PRKCE: variants seen among roughly 807,000 people sequenced by gnomAD.
PRKCE encodes protein kinase C epsilon.
In PRKCE, 16 loss-of-function variants were observed where a neutral mutation model predicts 85.4. The ratio of observed to expected loss-of-function variants is 0.19; its 90% CI spans 0.13 to 0.28. PRKCE has a LOEUF of 0.28. Ranked by LOEUF, PRKCE falls within the 10% of genes least tolerant of loss-of-function variation. The pLI is 1.00. For synonymous variants in PRKCE, 388 were observed against 371.5 expected, an observed-to-expected ratio of 1.04 and a Z score of -0.51; for missense variants, 573 against 975.2, an observed-to-expected ratio of 0.59 and a Z score of 5.49.
chr2:45,704,588 G>T lies in PRKCE; in HGVS notation c.348+52140G>T, dbSNP rs182320584. ...TCACTGGATTCCTAATATTAACTCT[G>T]CCAGTTACTCTCTGGGTCCCTCCTC... is the stretch of plus-strand genomic sequence containing the variant. On this transcript the variant is annotated intron_variant, in intron 1 of 14. Transcript: ENST00000306156. Among the ~76,000 whole-genome samples the T allele has an allele frequency of 2.6e-3, 394 of 152,232 alleles. 3 individuals carry two copies. The highest frequency in any genetic ancestry group is 6.9e-3 in the Admixed American group (105 of 15,288).
intron 1 of PRKCE, among the ~76,000 whole-genome samples, chr2:45,783,865 T>C (rs1415391812): frequency 6.6e-6 from 1 of 152,218 alleles, no homozygotes; most frequent in Non-Finnish European, 1.5e-5. Flanking sequence ...GCTCAGGACC[T>C]GTGATAGGAA....
At chr2:46,179,746 T>C (rs1258242835) in intron 14 of PRKCE, among the ~76,000 whole-genome samples, 5 of 152,158 alleles carry the variant, frequency 3.3e-5, no homozygotes, top group Admixed American at 6.5e-5. Context: ...ATTTCATTAA[T>C]TGGGCCTAAG....
At chr2:46,026,719 C>G (rs961111533) in intron 10 of PRKCE, among the ~76,000 whole-genome samples, 14 of 152,276 alleles carry the variant, frequency 9.2e-5, no homozygotes, top group Middle Eastern at 3.4e-3. Context: ...ACCCCTTAAA[C>G]ACAGAGATCT....
chr2:46,106,761 A>C (rs78051676), intron 11 of PRKCE, among the ~76,000 whole-genome samples: 3,886 of 152,284 alleles, frequency 0.026, 63 homozygotes, highest in Admixed American at 0.043. Flanking sequence ...ATTTGAATTA[A>C]ATGACCTCTT....
chr2:46,166,090 C>T (rs995316163), intron 14 of PRKCE, among the ~76,000 whole-genome samples: 1 of 152,238 alleles, frequency 6.6e-6, no homozygotes, highest in Non-Finnish European at 1.5e-5. Context: ...CATGGCGGGA[C>T]CCCCGAGGGA....
At chr2:45,980,802 A>G (rs1384696029) in intron 5 of PRKCE, among the ~76,000 whole-genome samples, 1 of 152,162 alleles carries the variant, frequency 6.6e-6, no homozygotes, top group Non-Finnish European at 1.5e-5. Flanking sequence ...AGCCCAAGGA[A>G]TACTTAGGAG....
intron 1 of PRKCE, among the ~76,000 whole-genome samples, chr2:45,744,542 CT>C: frequency 1.3e-5 from 1 of 74,490 alleles, no homozygotes; most frequent in Admixed American, 1.4e-4. Flanking sequence ...TTCCTTCTTT[CT>C]TTCTTTCTTC....
intron 10 of PRKCE, among the ~76,000 whole-genome samples, chr2:46,085,526 C>T (rs1489026622): frequency 1.3e-5 from 2 of 152,160 alleles, no homozygotes; most frequent in African/African-American, 4.8e-5. Flanking sequence ...TTGCCTCTTC[C>T]AGCTTCTGGG....
intron 2 of PRKCE, among the ~76,000 whole-genome samples, chr2:45,945,998 G>T (rs1033975809): frequency 6.6e-6 from 1 of 152,248 alleles, no homozygotes; most frequent in African/African-American, 2.4e-5. Flanking sequence ...GCAGTGCTCT[G>T]CATGTACAAG....
At chr2:46,009,935 C>T (rs1483539677) in intron 9 of PRKCE, among the ~76,000 whole-genome samples, 1 of 152,234 alleles carries the variant, frequency 6.6e-6, no homozygotes, top group East Asian at 1.9e-4. Context: ...ATGACAAACA[C>T]ATATAAACAT....
chr2:46,062,277 G>A (rs1465707699), intron 10 of PRKCE, among the ~76,000 whole-genome samples: 1 of 152,184 alleles, frequency 6.6e-6, no homozygotes, highest in African/African-American at 2.4e-5. Flanking sequence ...GTTGAGGATA[G>A]GGTTTTAGCC....
At chr2:46,009,130 A>G (rs531159980) in intron 9 of PRKCE, among the ~76,000 whole-genome samples, 9 of 152,342 alleles carry the variant, frequency 5.9e-5, no homozygotes, top group Admixed American at 5.9e-4. Context: ...CTTTAAGAAC[A>G]TAGAACTGTT....
intron 1 of PRKCE, among the ~76,000 whole-genome samples, chr2:45,725,394 A>G (rs1382283474): frequency 6.6e-6 from 1 of 152,244 alleles, no homozygotes; most frequent in African/African-American, 2.4e-5. Context: ...TACAACATCT[A>G]TTCTACAGCC....
chr2:45,924,486 A>G (rs578225163), intron 2 of PRKCE, among the ~76,000 whole-genome samples: 1 of 152,328 alleles, frequency 6.6e-6, no homozygotes, highest in South Asian at 2.1e-4. Context: ...GCAGGATAAC[A>G]GAGAGGCTGG....
chr2:45,663,792 A>AG (rs1409550378), intron 1 of PRKCE, among the ~76,000 whole-genome samples: 1 of 152,218 alleles, frequency 6.6e-6, no homozygotes, highest in African/African-American at 2.4e-5. Flanking sequence ...CAAAAAAAAA[A>AG]AAGAAAATGT....
chr2:46,046,567 G>T (rs1188651068), intron 10 of PRKCE, among the ~76,000 whole-genome samples: 2 of 152,174 alleles, frequency 1.3e-5, no homozygotes, highest in Non-Finnish European at 2.9e-5. Flanking sequence ...TTGAAAAATG[G>T]AAAAATTTAA....
intron 10 of PRKCE, among the ~76,000 whole-genome samples, chr2:46,023,107 A>AAAAAAAAAAAAAAC (rs1706816468): frequency 6.6e-6 from 1 of 151,418 alleles, no homozygotes. Flanking sequence ...AAAAAAAAAA[A>AAAAAAAAAAAAAAC]AAATCATCTA....
At chr2:45,767,148 T>A (rs1416806733) in intron 1 of PRKCE, among the ~76,000 whole-genome samples, 1 of 152,216 alleles carries the variant, frequency 6.6e-6, no homozygotes, top group Non-Finnish European at 1.5e-5. Context: ...CTTTTTCTAA[T>A]TATCAAATAA....
chr2:45,889,181 G>A (rs996673956), intron 2 of PRKCE, among the ~76,000 whole-genome samples: 3 of 152,188 alleles, frequency 2.0e-5, no homozygotes, highest in African/African-American at 7.2e-5. Context: ...AGAGTATACC[G>A]AGTTGGGGGA....
Sources: gnomAD v4.1 joint callset for allele counts (sites outside exome capture counted in the v4.1 genomes callset) on GRCh38, gnomAD v4.1.1 for gene constraint, MANE v1.5 for transcripts, NCBI Gene and HGNC (gene_info 2026-07-23, HGNC 2026-07-21) for gene names.